Variants in CACNA2D3 observed in about 807,000 individuals in gnomAD.
The protein encoded by CACNA2D3 is voltage-dependent calcium channel subunit alpha-2/delta-3.
A neutral mutation model predicts 160.6 loss-of-function variants in CACNA2D3; 60 were observed. The observed-to-expected ratio is 0.37, with a 90% CI of 0.30 to 0.46. The LOEUF (loss-of-function observed/expected upper bound fraction) is 0.46. CACNA2D3 is among the 20% of genes least tolerant of loss of function. The pLI is 1.00. For missense variants in CACNA2D3, 1,205 were observed against 1,365.0 expected (o/e 0.88, Z 1.85); for synonymous variants, 558 against 492.9 (o/e 1.13, Z -1.75).
chr3:54,494,467 G>A (rs886371483), intron 4 of CACNA2D3, among the ~76,000 whole-genome samples: 9 of 152,168 alleles, frequency 5.9e-5, no homozygotes, highest in African/African-American at 2.2e-4. Context: ...TTAAATGGCA[G>A]TTTTGAAGCT....
At chr3:54,589,000 A>G (rs577199072) in intron 9 of CACNA2D3, among the ~76,000 whole-genome samples, 2 of 152,110 alleles carry the variant, frequency 1.3e-5, no homozygotes, top group East Asian at 1.9e-4. Flanking sequence ...TCCTATAGAA[A>G]TATCTGCAAG....
chr3:54,924,510 A>G (rs1417935178), intron 27 of CACNA2D3: 1 of 915,682 alleles, frequency 1.1e-6, no homozygotes, highest in African/African-American at 1.7e-5. Flanking sequence ...TAAAAGCCCA[A>G]ATCCACCCCT....
At chr3:54,944,790 A>G (rs1701569990) in intron 27 of CACNA2D3, among the ~76,000 whole-genome samples, 1 of 150,796 alleles carries the variant, frequency 6.6e-6, no homozygotes, top group South Asian at 2.1e-4. Context: ...ATCTCTGAAT[A>G]TATTGACTGT....
intron 3 of CACNA2D3, among the ~76,000 whole-genome samples, chr3:54,346,354 C>T (rs981506821): frequency 5.3e-5 from 8 of 152,126 alleles, no homozygotes; most frequent in Non-Finnish European, 1.0e-4. Flanking sequence ...CCAGCATCCA[C>T]GAGAATGACA....
At chr3:54,685,468 A>G (rs969798376) in intron 11 of CACNA2D3, among the ~76,000 whole-genome samples, 33 of 152,312 alleles carry the variant, frequency 2.2e-4, no homozygotes, top group African/African-American at 6.7e-4. Flanking sequence ...TAGTTTGCCA[A>G]TCCCTGGAGT....
intron 13 of CACNA2D3, among the ~76,000 whole-genome samples, chr3:54,815,346 T>C (rs1659274674): frequency 6.6e-6 from 1 of 152,186 alleles, no homozygotes; most frequent in African/African-American, 2.4e-5. Flanking sequence ...ATCTCTGAGA[T>C]CCAAAACATC....
chr3:54,143,560 C>T (rs1161111905), intron 2 of CACNA2D3, among the ~76,000 whole-genome samples: 5 of 152,156 alleles, frequency 3.3e-5, no homozygotes, highest in Non-Finnish European at 7.3e-5. Context: ...AGTGCAGTGG[C>T]GTAATCTCAG....
intron 4 of CACNA2D3, among the ~76,000 whole-genome samples, chr3:54,448,127 A>G (rs1700251259): frequency 6.6e-6 from 1 of 152,146 alleles, no homozygotes; most frequent in Admixed American, 6.6e-5. Flanking sequence ...GGGCTGGTCC[A>G]TTCTCAAGCA....
intron 17 of CACNA2D3, among the ~76,000 whole-genome samples, chr3:54,851,501 A>C (rs901930157): frequency 6.6e-6 from 1 of 152,188 alleles, no homozygotes; most frequent in Non-Finnish European, 1.5e-5. Flanking sequence ...TAGGTGTACT[A>C]AGTTCACTCT....
chr3:54,780,824 G>C (rs1039212450), intron 13 of CACNA2D3, among the ~76,000 whole-genome samples: 3 of 152,094 alleles, frequency 2.0e-5, no homozygotes, highest in East Asian at 1.9e-4. Context: ...GGAGTGGGGG[G>C]GTTGGAATCA....
intron 27 of CACNA2D3, among the ~76,000 whole-genome samples, chr3:54,910,467 G>A (rs78111000): frequency 2.0e-4 from 30 of 152,010 alleles, no homozygotes; most frequent in Non-Finnish European, 3.8e-4. Context: ...TTCTTTTGTC[G>A]TGGCCTATTA....
chr3:54,806,877 C>T (rs1478366436), intron 13 of CACNA2D3, among the ~76,000 whole-genome samples: 1 of 152,114 alleles, frequency 6.6e-6, no homozygotes, highest in Non-Finnish European at 1.5e-5. Context: ...TGGAACAGAA[C>T]AGAGCCCTCA....
At chr3:54,858,435 C>T (rs1699217018) in intron 17 of CACNA2D3, among the ~76,000 whole-genome samples, 1 of 152,220 alleles carries the variant, frequency 6.6e-6, no homozygotes, top group South Asian at 2.1e-4. Context: ...CAGAATGAAA[C>T]ACTCTCCTCT....
At chr3:54,349,494 C>T (rs1250243100) in intron 3 of CACNA2D3, among the ~76,000 whole-genome samples, 1 of 152,226 alleles carries the variant, frequency 6.6e-6, no homozygotes. Flanking sequence ...GCTCCCCTGA[C>T]TCTGAGCCAA....
intron 11 of CACNA2D3, among the ~76,000 whole-genome samples, chr3:54,665,698 T>C (rs989335284): frequency 2.0e-5 from 3 of 151,978 alleles, no homozygotes; most frequent in African/African-American, 7.2e-5. Context: ...AAAGAGTTCT[T>C]TGGCCCCAAA....
At chr3:54,199,242 C>A (rs1041073308) in intron 2 of CACNA2D3, among the ~76,000 whole-genome samples, 3 of 152,232 alleles carry the variant, frequency 2.0e-5, no homozygotes, top group African/African-American at 7.2e-5. Context: ...TGTATCCCCA[C>A]TGCCCTCCTA....
chr3:55,021,413 C>T (rs1414247243), intron 35 of CACNA2D3, among the ~76,000 whole-genome samples: 2 of 151,740 alleles, frequency 1.3e-5, no homozygotes, highest in Non-Finnish European at 2.9e-5. Context: ...CCCTCTCTCT[C>T]CCTTTCCATA....
intron 2 of CACNA2D3, among the ~76,000 whole-genome samples, chr3:54,198,156 G>T (rs570923287): frequency 1.3e-5 from 2 of 152,186 alleles, no homozygotes; most frequent in Non-Finnish European, 2.9e-5. Context: ...TAACAAGGAC[G>T]GGAGCAAACC....
intron 5 of CACNA2D3, among the ~76,000 whole-genome samples, chr3:54,558,646 A>G (rs976514904): frequency 1.3e-5 from 2 of 152,030 alleles, no homozygotes; most frequent in African/African-American, 4.8e-5. Flanking sequence ...TTTAGCTCCC[A>G]CTTATAAGTG....
Sources: gnomAD v4.1 joint callset for allele counts (sites outside exome capture counted in the v4.1 genomes callset) on GRCh38, gnomAD v4.1.1 for gene constraint, MANE v1.5 for transcripts, NCBI Gene and HGNC (gene_info 2026-07-23, HGNC 2026-07-21) for gene names.